The following WNK3 variants were observed in gnomAD, a reference collection of about 807,000 sequenced individuals.
WNK3 encodes WNK lysine deficient protein kinase 3, also known as serine/threonine-protein kinase WNK3.
Under a neutral mutation model 116.7 loss-of-function variants are expected in WNK3, and 18 were observed. The ratio of observed to expected loss-of-function variants is 0.15; its 90% CI spans 0.11 to 0.23. The LOEUF is 0.23. WNK3 is among the 10% of genes least tolerant of loss of function. The probability of loss-of-function intolerance (pLI) is 1.00; values close to 1 mark genes in which losing one functional copy is unlikely to be tolerated. For synonymous variants in WNK3, 404 were observed against 469.4 expected, an observed-to-expected ratio of 0.86 and a Z score of 1.80; for missense variants, 993 against 1,323.8, an observed-to-expected ratio of 0.75 and a Z score of 3.88.
At chrX:54,249,918 C>T in intron 16 of WNK3, 76 bp downstream of exon 16, 3 of 1,069,530 alleles carry the variant, frequency 2.8e-6, no homozygotes. Context: ...CCCATGGAAA[C>T]CAGTTAAAGA....
chrX:54,236,008 T>C (rs1168128628), intron 20 of WNK3, among the ~76,000 whole-genome samples: 2 of 112,349 alleles, frequency 1.8e-5, no homozygotes, highest in Admixed American at 9.5e-5. Context: ...ACCTGGATAG[T>C]TCAGCTGCAG....
chrX:54,306,456 A>G (rs1310703305), intron 5 of WNK3, among the ~76,000 whole-genome samples: 1 of 112,368 alleles, frequency 8.9e-6, no homozygotes, highest in Non-Finnish European at 1.9e-5. Context: ...AATACTATTC[A>G]GCCTTTAAAA....
At chrX:54,207,858 C>T (rs1294532548) in intron 22 of WNK3, among the ~76,000 whole-genome samples, 3 of 110,675 alleles carry the variant, frequency 2.7e-5, no homozygotes, top group African/African-American at 6.6e-5. Flanking sequence ...CTATCTTCTG[C>T]GTGAAGCATT....
intron 1 of WNK3, among the ~76,000 whole-genome samples, chrX:54,352,446 G>A (rs1221812767): frequency 2.7e-5 from 3 of 111,025 alleles, no homozygotes; most frequent in African/African-American, 9.8e-5. Flanking sequence ...GGCTAAGGCA[G>A]GAGGATCACT....
intron 2 of WNK3, among the ~76,000 whole-genome samples, chrX:54,323,199 A>C (rs1557172635): frequency 1.8e-5 from 2 of 111,749 alleles, no homozygotes; most frequent in Non-Finnish European, 3.8e-5. Flanking sequence ...TATTATCACC[A>C]GTAATACAAA....
intron 13 of WNK3, among the ~76,000 whole-genome samples, chrX:54,252,029 C>T (rs1227447814): frequency 1.1e-5 from 1 of 91,696 alleles, no homozygotes; most frequent in Non-Finnish European, 2.1e-5. Context: ...TGCACCATTG[C>T]ACTACAGCCT....
At chrX:54,216,233 T>C in intron 22 of WNK3, among the ~76,000 whole-genome samples, 1 of 108,398 alleles carries the variant, frequency 9.2e-6, no homozygotes, top group East Asian at 2.9e-4. Context: ...ACTATTGTCC[T>C]ATGACCCTGC....
At chrX:54,324,613 G>A (rs2069075830) in intron 2 of WNK3, among the ~76,000 whole-genome samples, 1 of 112,313 alleles carries the variant, frequency 8.9e-6, no homozygotes, top group African/African-American at 3.2e-5. Context: ...TCCCTTCAAT[G>A]TAATCACGCT....
intron 11 of WNK3, 114 bp from the exon 12 acceptor site, chrX:54,256,001 C>CT (rs1349999541): frequency 3.1e-6 from 2 of 636,496 alleles, no homozygotes; most frequent in Non-Finnish European, 4.6e-6. Flanking sequence ...ATACTACAAT[C>CT]TTTTTAAAAG....
intron 10 of WNK3, among the ~76,000 whole-genome samples, chrX:54,266,717 TTA>T (rs782080677): frequency 1.9e-5 from 2 of 107,886 alleles, no homozygotes; most frequent in South Asian, 4.0e-4. Context: ...TTTAATTTAT[TTA>T]TATATATATA....
At chrX:54,255,683 C>A in intron 12 of WNK3, 57 bp downstream of exon 12, 1 of 1,102,131 alleles carries the variant, frequency 9.1e-7, no homozygotes, top group Admixed American at 2.7e-5. Flanking sequence ...CACTGCCCCT[C>A]TCTGACCCTC....
chrX:54,213,575 A>AC (rs2067647283), intron 22 of WNK3, among the ~76,000 whole-genome samples: 1 of 105,178 alleles, frequency 9.5e-6, no homozygotes, highest in Non-Finnish European at 1.9e-5. Flanking sequence ...CAAACAAAAA[A>AC]AAAAAAACTA....
At chrX:54,326,395 A>G (rs2069106039) in intron 2 of WNK3, among the ~76,000 whole-genome samples, 1 of 111,330 alleles carries the variant, frequency 9.0e-6, no homozygotes, top group Non-Finnish European at 1.9e-5. Flanking sequence ...AGGCCCCATT[A>G]ATATATTTTT....
intron 10 of WNK3, among the ~76,000 whole-genome samples, chrX:54,275,415 ATGTGTG>A (rs782672834): frequency 0.023 from 1,460 of 64,383 alleles, 23 homozygotes; most frequent in South Asian, 0.03. Flanking sequence ...ATAAGTTCAT[ATGTGTG>A]TGTGTGTGTG....
intron 7 of WNK3, among the ~76,000 whole-genome samples, chrX:54,297,929 C>A (rs955288083): frequency 2.7e-5 from 3 of 109,706 alleles, no homozygotes; most frequent in Admixed American, 2.0e-4. Context: ...AAAAATTAGC[C>A]GGGCGTGGTG....
chrX:54,251,462 A>G lies in WNK3; in HGVS notation c.2524-12T>C, dbSNP rs782144953. 8.4e-7 allele frequency: 1 copy of G among 1,192,298 alleles called. No homozygotes were observed. The highest frequency in any genetic ancestry group is 1.8e-5 in the South Asian group (1 of 54,549). The stretch of plus-strand genomic sequence containing the variant: ...TCAGATGACCCTGTCTGAATTAAAA[A>G]TGAATAGATAAATTAAAAAGTTCCT... On this transcript the variant is annotated splice_polypyrimidine_tract_variant and intron_variant, in intron 14 of 23. Coordinates refer to ENST00000354646, the Ensembl canonical transcript of WNK3.
At chrX:54,263,460 G>A (rs192575152) in intron 10 of WNK3, among the ~76,000 whole-genome samples, 1 of 111,766 alleles carries the variant, frequency 8.9e-6, no homozygotes, top group Non-Finnish European at 1.9e-5. Context: ...TAGAAAAGTG[G>A]AATTGTTCTG....
chrX:54,236,194 C>T (rs782237447), intron 20 of WNK3, among the ~76,000 whole-genome samples: 23 of 111,331 alleles, frequency 2.1e-4, no homozygotes, highest in Non-Finnish European at 4.0e-4. Flanking sequence ...ACTGCAACCT[C>T]CACCTCCTGG....
intron 22 of WNK3, among the ~76,000 whole-genome samples, chrX:54,222,915 A>AATAATAATATATATAT (rs1491230973): frequency 1.2e-5 from 1 of 81,042 alleles, no homozygotes; most frequent in African/African-American, 5.8e-5. Flanking sequence ...TAATAATAAT[A>AATAATAATATATATAT]ATATATATAT....
Sources: gnomAD v4.1 joint callset for allele counts (sites outside exome capture counted in the v4.1 genomes callset) on GRCh38, gnomAD v4.1.1 for gene constraint, MANE v1.5 for transcripts, NCBI Gene and HGNC (gene_info 2026-07-23, HGNC 2026-07-21) for gene names.